Variants in CSMD1 observed in about 807,000 individuals in gnomAD.
The protein encoded by CSMD1 is CUB and sushi domain-containing protein 1.
Under a neutral mutation model 417.5 loss-of-function variants are expected in CSMD1, and 213 were observed. The ratio of observed to expected loss-of-function variants is 0.51; its 90% CI spans 0.46 to 0.57. The LOEUF (loss-of-function observed/expected upper bound fraction) is 0.57, where lower values mean the gene tolerates loss of function less well. Ranked by LOEUF, CSMD1 falls within the 20% of genes least tolerant of loss-of-function variation. CSMD1 has a pLI of 0.00. For synonymous variants in CSMD1, 2,862 were observed against 1,736.8 expected, an observed-to-expected ratio of 1.65 and a Z score of -16.11; for missense variants, 6,923 against 4,529.7, an observed-to-expected ratio of 1.53 and a Z score of -15.17.
At chr8:4,724,915 T>C (rs1263428230) in intron 1 of CSMD1, among the ~76,000 whole-genome samples, 1 of 152,084 alleles carries the variant, frequency 6.6e-6, no homozygotes, top group Non-Finnish European at 1.5e-5. Context: ...ATCATACAGG[T>C]TTTTTTCTTT....
At chr8:4,222,672 T>G (rs1230292985) in intron 3 of CSMD1, among the ~76,000 whole-genome samples, 10 of 152,186 alleles carry the variant, frequency 6.6e-5, no homozygotes. Flanking sequence ...CCAAATTCAG[T>G]AACACAACTA....
At chr8:3,834,836 T>C (rs866656829) in intron 5 of CSMD1, among the ~76,000 whole-genome samples, 31 of 151,464 alleles carry the variant, frequency 2.0e-4, no homozygotes, top group Non-Finnish European at 4.3e-4. Context: ...AGGGCTAATA[T>C]CCAGAATCTA....
chr8:4,192,439 CCT>C (rs1388167733), intron 3 of CSMD1, among the ~76,000 whole-genome samples: 1 of 152,144 alleles, frequency 6.6e-6, no homozygotes, highest in Non-Finnish European at 1.5e-5. Context: ...ATTATACCTT[CCT>C]CTGTGTGGCT....
intron 18 of CSMD1, among the ~76,000 whole-genome samples, chr8:3,372,448 G>A (rs1159870267): frequency 6.6e-6 from 1 of 152,138 alleles, no homozygotes; most frequent in Non-Finnish European, 1.5e-5. Context: ...TGTGCTGAGA[G>A]AATACACAGT....
chr8:3,901,878 C>A (rs940725944), intron 5 of CSMD1, among the ~76,000 whole-genome samples: 13 of 152,178 alleles, frequency 8.5e-5, no homozygotes, highest in African/African-American at 3.1e-4. Flanking sequence ...TTCTCTAGTG[C>A]TTTTCCCATT....
At chr8:4,992,512 T>G (rs537256567) in intron 1 of CSMD1, among the ~76,000 whole-genome samples, 3 of 152,142 alleles carry the variant, frequency 2.0e-5, no homozygotes, top group Non-Finnish European at 4.4e-5. Flanking sequence ...CGGAGTTGCG[T>G]GGCAGGTGTT....
At chr8:3,311,035 G>T (rs537515360) in intron 23 of CSMD1, among the ~76,000 whole-genome samples, 1 of 152,066 alleles carries the variant, frequency 6.6e-6, no homozygotes, top group African/African-American at 2.4e-5. Context: ...ATGAGGTTAC[G>T]TCCCAATAAA....
intron 3 of CSMD1, among the ~76,000 whole-genome samples, chr8:4,089,037 G>C (rs1437990285): frequency 6.6e-6 from 1 of 152,208 alleles, no homozygotes; most frequent in Non-Finnish European, 1.5e-5. Flanking sequence ...TTCTTGTAGA[G>C]AATGAAGATA....
At chr8:4,090,898 C>T (rs576178274) in intron 3 of CSMD1, among the ~76,000 whole-genome samples, 7 of 151,452 alleles carry the variant, frequency 4.6e-5, no homozygotes, top group South Asian at 2.1e-4. Context: ...TTATTAGTAA[C>T]ATAAGGGGCA....
intron 5 of CSMD1, among the ~76,000 whole-genome samples, chr8:3,770,358 G>A (rs916604128): frequency 3.9e-5 from 6 of 152,060 alleles, no homozygotes; most frequent in East Asian, 3.9e-4. Context: ...GTGAAACCCC[G>A]TCTCTACTAA....
At chr8:4,850,380 A>ATATTTTTTTTTT (rs1403352847) in intron 1 of CSMD1, among the ~76,000 whole-genome samples, 1 of 82,770 alleles carries the variant, frequency 1.2e-5, no homozygotes, top group Non-Finnish European at 2.3e-5. Flanking sequence ...AATCCAATTT[A>ATATTTTTTTTTT]TCTTTTTTTT....
rs147855531 is a variant in CSMD1 at position 4,725,838 on chromosome 8, C to T, written c.86-88280G>A. On this transcript the variant is annotated intron_variant, in intron 1 of 69. Coordinates refer to ENST00000635120, the MANE Select transcript of CSMD1 (RefSeq NM_033225.6). ...ACTGAGTGTAATGTTCACGACGTGG[C>T]TAAAGGAGTTTTGAGACCTACCCTC... Among the ~76,000 whole-genome samples, 101 of 152,198 alleles carry T rather than the reference C, an allele frequency of 6.6e-4. 1 individual carries two copies. The East Asian group carries it at 0.01, about 16-fold the overall frequency.
chr8:3,151,224 A>G (rs573086407), intron 40 of CSMD1, 173 bp downstream of exon 40: 29 of 520,294 alleles, frequency 5.6e-5, no homozygotes, highest in Non-Finnish European at 8.9e-5. Flanking sequence ...GATTTTTCAA[A>G]TAAGTTTTCC....
intron 54 of CSMD1, among the ~76,000 whole-genome samples, chr8:2,982,731 C>G (rs1198890933): frequency 1.3e-5 from 2 of 152,194 alleles, no homozygotes; most frequent in Non-Finnish European, 2.9e-5. Flanking sequence ...GGACAGGAAG[C>G]AAGGTGTGCT....
At chr8:4,991,581 C>T (rs1304303889) in intron 1 of CSMD1, among the ~76,000 whole-genome samples, 1 of 152,148 alleles carries the variant, frequency 6.6e-6, no homozygotes, top group East Asian at 1.9e-4. Context: ...CGGCAGTGGC[C>T]GGGCGCCCTC....
At chr8:4,919,154 A>T (rs918724397) in intron 1 of CSMD1, among the ~76,000 whole-genome samples, 6 of 152,188 alleles carry the variant, frequency 3.9e-5, no homozygotes, top group Admixed American at 6.5e-5. Flanking sequence ...ACTCAGTTAA[A>T]ATCACTAAAG....
At chr8:3,411,565 TACTTC>T (rs1812702885) in intron 12 of CSMD1, among the ~76,000 whole-genome samples, 1 of 151,558 alleles carries the variant, frequency 6.6e-6, no homozygotes, top group African/African-American at 2.4e-5. Flanking sequence ...ATTCCTGGGT[TACTTC>T]ACTTAGAATA....
At chr8:4,051,564 G>A (rs909515426) in intron 3 of CSMD1, among the ~76,000 whole-genome samples, 1 of 152,184 alleles carries the variant, frequency 6.6e-6, no homozygotes. Context: ...CAACAATCAA[G>A]CAAACCTCTG....
In CSMD1 at chr8:4,213,563, T is replaced by A. The variant is rs150570694; in HGVS notation, c.416-181464A>T. 3.3e-3 allele frequency among the ~76,000 whole-genome samples: 504 copies of A among 152,278 alleles called. 1 individual carries two copies. The highest frequency in any genetic ancestry group is 0.012 in the African/African-American group (481 of 41,556). ...ACACAACGTCTAGAAATAAAACACT[T>A]TTGCTCTCCCACTTGCAACGTGAAA... On this transcript the variant is annotated intron_variant, in intron 3 of 69. Transcript: ENST00000635120.
Sources: allele counts gnomAD v4.1 joint callset (sites outside exome capture counted in the v4.1 genomes callset), GRCh38; gene constraint gnomAD v4.1.1; transcripts MANE v1.5; gene names NCBI Gene and HGNC (gene_info 2026-07-23, HGNC 2026-07-21).